The following EBF1 variants were observed in gnomAD, a reference collection of about 807,000 sequenced individuals.
EBF1 encodes the protein transcription factor COE1.
Under a neutral mutation model 68.4 loss-of-function variants are expected in EBF1, and 10 were observed. The observed-to-expected ratio is 0.15, with a 90% CI of 0.09 to 0.25. The LOEUF is 0.25. Ranked by LOEUF, EBF1 falls within the 10% of genes least tolerant of loss-of-function variation. The pLI, the probability that EBF1 is intolerant of heterozygous loss-of-function variation, is 1.00. For missense variants in EBF1, 509 were observed against 794.4 expected (o/e 0.64, Z 4.32); for synonymous variants, 298 against 299.8 (o/e 0.99, Z 0.06).
chr5:158,843,648 C>T (rs970888044), intron 6 of EBF1, among the ~76,000 whole-genome samples: 21 of 152,214 alleles, frequency 1.4e-4, no homozygotes, highest in Non-Finnish European at 8.8e-5. Context: ...GTGGAAAAGA[C>T]GCTCTGAAGG....
chr5:158,719,647 T>C (rs759237663), intron 11 of EBF1, among the ~76,000 whole-genome samples: 39 of 152,112 alleles, frequency 2.6e-4, no homozygotes, highest in Non-Finnish European at 4.0e-4. Flanking sequence ...CCCAGTTCAA[T>C]GTTTTGGGCA....
rs533413475 is a variant in EBF1 at position 158,792,785 on chromosome 5, A to G, written c.909+3560T>C. On this transcript the variant is annotated intron_variant, in intron 9 of 15. Transcript: ENST00000313708. Reference sequence around the variant, plus strand: ...GCCCTAGCGTAGGCATGTATCCTTTACTTCATAAAGATAAATTCTACCTAG... The same window carrying G: ...GCCCTAGCGTAGGCATGTATCCTTTGCTTCATAAAGATAAATTCTACCTAG... 5.3e-5 allele frequency among the ~76,000 whole-genome samples: 8 copies of G among 152,324 alleles called. No homozygotes were observed. In the East Asian group the frequency reaches 1.5e-3, roughly 29 times the overall value.
intron 6 of EBF1, among the ~76,000 whole-genome samples, chr5:158,910,610 A>G (rs1458879533): frequency 1.3e-5 from 2 of 152,238 alleles, no homozygotes; most frequent in Admixed American, 1.3e-4. Context: ...TCTTTGCTCA[A>G]TAAAAAATTA....
At chr5:158,766,043 T>C (rs574921395) in intron 10 of EBF1, among the ~76,000 whole-genome samples, 13 of 152,278 alleles carry the variant, frequency 8.5e-5, no homozygotes, top group Admixed American at 8.5e-4. Flanking sequence ...TTTAAATCGG[T>C]AGGGGCATGA....
At chr5:159,096,455 T>C in intron 2 of EBF1, 49 bp from the exon 3 acceptor site, 1 of 1,595,272 alleles carries the variant, frequency 6.3e-7, no homozygotes, top group Non-Finnish European at 8.6e-7. Flanking sequence ...GAGAGAGGTC[T>C]GCGTGAGCGA....
intron 4 of EBF1, among the ~76,000 whole-genome samples, chr5:159,092,430 C>T (rs1468780282): frequency 1.3e-5 from 2 of 152,096 alleles, no homozygotes; most frequent in Non-Finnish European, 2.9e-5. Flanking sequence ...ATATTCATTT[C>T]TAATGAAGCT....
chr5:158,707,207 G>T (rs1250122012), intron 15 of EBF1, among the ~76,000 whole-genome samples: 18 of 152,196 alleles, frequency 1.2e-4, no homozygotes. Context: ...GGTTGTGCAG[G>T]TCTCAACATA....
chr5:159,084,791 A>G, intron 4 of EBF1, 52 bp from the exon 5 acceptor site: 3 of 1,498,864 alleles, frequency 2.0e-6, no homozygotes, highest in Non-Finnish European at 2.7e-6. Flanking sequence ...TAGCAGAAAA[A>G]AAAAAAAAAT....
At chr5:158,814,615 G>C (rs1053118811) in intron 8 of EBF1, among the ~76,000 whole-genome samples, 1 of 152,074 alleles carries the variant, frequency 6.6e-6, no homozygotes, top group Non-Finnish European at 1.5e-5. Flanking sequence ...TCTAGCATGA[G>C]GTTTACAAAC....
intron 11 of EBF1, among the ~76,000 whole-genome samples, chr5:158,725,493 A>G (rs1425983751): frequency 1.3e-5 from 2 of 152,282 alleles, no homozygotes; most frequent in Non-Finnish European, 2.9e-5. Context: ...GCAAGCACTT[A>G]AAATACTGTG....
intron 6 of EBF1, among the ~76,000 whole-genome samples, chr5:158,993,186 A>T (rs1760731375): frequency 6.6e-6 from 1 of 151,374 alleles, no homozygotes; most frequent in Non-Finnish European, 1.5e-5. Context: ...AGCCGGGATT[A>T]CAGGTGCACG....
At chr5:158,837,012 A>G (rs4704968) in intron 7 of EBF1, among the ~76,000 whole-genome samples, 82,550 of 152,076 alleles carry the variant, frequency 0.54, 23,193 homozygotes, top group South Asian at 0.7. Context: ...CAGCTCTCAC[A>G]CTTAATCAAA....
intron 6 of EBF1, among the ~76,000 whole-genome samples, chr5:158,955,663 A>C (rs138081984): frequency 3.3e-5 from 5 of 152,340 alleles, no homozygotes; most frequent in Non-Finnish European, 5.9e-5. Flanking sequence ...TTTTGAGTTC[A>C]TCTCAATATA....
chr5:158,901,283 T>C (rs1378113584), intron 6 of EBF1, among the ~76,000 whole-genome samples: 2 of 152,266 alleles, frequency 1.3e-5, no homozygotes, highest in African/African-American at 4.8e-5. Flanking sequence ...TGTCCTCATG[T>C]TCACCAAGCA....
chr5:158,747,563 A>C (rs1290562402), intron 10 of EBF1, among the ~76,000 whole-genome samples: 1 of 152,148 alleles, frequency 6.6e-6, no homozygotes, highest in Non-Finnish European at 1.5e-5. Context: ...ACCAACTAAA[A>C]GGAAGACAAC....
At chr5:158,814,550 G>T (rs1204741437) in intron 8 of EBF1, among the ~76,000 whole-genome samples, 2 of 152,144 alleles carry the variant, frequency 1.3e-5, no homozygotes, top group African/African-American at 4.8e-5. Context: ...GGTTTGTCAA[G>T]AAATTCATAT....
chr5:158,847,476 GCTT>G (rs1791754156), intron 6 of EBF1, among the ~76,000 whole-genome samples: 1 of 152,160 alleles, frequency 6.6e-6, no homozygotes, highest in African/African-American at 2.4e-5. Context: ...GGGGGCTGTA[GCTT>G]AACACTGACT....
At chr5:158,709,329 T>A (rs113926471) in intron 14 of EBF1, among the ~76,000 whole-genome samples, 2,737 of 122,564 alleles carry the variant, frequency 0.022, 36 homozygotes, top group Non-Finnish European at 0.029. Context: ...TCACATATAT[T>A]TTTTTTTTTT....
intron 7 of EBF1, among the ~76,000 whole-genome samples, chr5:158,831,913 G>C (rs113461934): frequency 1.6e-4 from 24 of 152,162 alleles, no homozygotes; most frequent in African/African-American, 4.1e-4. Context: ...GTGTATGTGG[G>C]GAAGAAAAAT....
Sources: allele counts gnomAD v4.1 joint callset (sites outside exome capture counted in the v4.1 genomes callset), GRCh38; gene constraint gnomAD v4.1.1; transcripts MANE v1.5; gene names NCBI Gene and HGNC (gene_info 2026-07-23, HGNC 2026-07-21).